Variants in TENM2 observed in about 807,000 individuals in gnomAD.
TENM2 encodes teneurin-2.
TENM2 carries 52 observed loss-of-function variants against 245.2 expected under a neutral mutation model. That is an observed-to-expected ratio of 0.21 (90% CI 0.17 to 0.27). TENM2 has a LOEUF of 0.27. TENM2 is among the 10% of genes least tolerant of loss of function. The pLI, the probability that TENM2 is intolerant of heterozygous loss-of-function variation, is 1.00. For missense variants in TENM2, 3,046 were observed against 3,666.8 expected, an observed-to-expected ratio of 0.83 and a Z score of 4.37; for synonymous variants, 1,363 against 1,438.9, an observed-to-expected ratio of 0.95 and a Z score of 1.19.
At chr5:167,208,733 C>G in the TENM2 span, among the ~76,000 whole-genome samples, 189 of 152,256 alleles carry the variant, frequency 1.2e-3, 1 homozygote, top group Admixed American at 6.0e-3. Flanking sequence ...TGATGGAGAT[C>G]TTTTTGTTTT....
At chr5:168,151,290 C>T (rs913052039) in intron 12 of TENM2, among the ~76,000 whole-genome samples, 1 of 152,192 alleles carries the variant, frequency 6.6e-6, no homozygotes, top group African/African-American at 2.4e-5. Context: ...TCATTTACGT[C>T]TTTGGAGGGC....
chr5:168,115,386 A>C, intron 9 of TENM2, among the ~76,000 whole-genome samples: 1 of 112,136 alleles, frequency 8.9e-6, no homozygotes, highest in Non-Finnish European at 1.9e-5. Flanking sequence ...GGAAGGAAGG[A>C]AGGAAGGAAG....
chr5:167,381,314 A>G (rs1426654985), intron 2 of TENM2, among the ~76,000 whole-genome samples: 1 of 152,146 alleles, frequency 6.6e-6, no homozygotes, highest in Admixed American at 6.5e-5. Context: ...ACCTTCTAGA[A>G]AATTATTCTT....
At chr5:168,132,502 C>T (rs147545325) in intron 12 of TENM2, among the ~76,000 whole-genome samples, 4 of 152,282 alleles carry the variant, frequency 2.6e-5, no homozygotes, top group East Asian at 1.9e-4. Flanking sequence ...TGATTTGTGT[C>T]GTACTCTGCG....
intron 23 of TENM2, among the ~76,000 whole-genome samples, chr5:168,220,076 C>T (rs1016483779): frequency 2.0e-5 from 3 of 152,144 alleles, no homozygotes; most frequent in African/African-American, 7.2e-5. Context: ...ATTTCTGAAG[C>T]ATCTTAATAC....
chr5:167,670,637 T>C (rs913907962), intron 2 of TENM2, among the ~76,000 whole-genome samples: 5 of 152,164 alleles, frequency 3.3e-5, no homozygotes, highest in Admixed American at 2.0e-4. Flanking sequence ...ACTGAGAGTC[T>C]TCATTACCTC....
chr5:167,921,517 G>T (rs143221477), intron 3 of TENM2, among the ~76,000 whole-genome samples: 48 of 152,242 alleles, frequency 3.2e-4, no homozygotes, highest in Middle Eastern at 6.8e-3. Context: ...TCAAAGTGTG[G>T]TCTATGGACC....
intron 2 of TENM2, among the ~76,000 whole-genome samples, chr5:167,855,403 T>A (rs1260283210): frequency 6.6e-6 from 1 of 152,192 alleles, no homozygotes; most frequent in East Asian, 1.9e-4. Flanking sequence ...ACATATGTTG[T>A]GTTTACATAT....
the TENM2 span, among the ~76,000 whole-genome samples, chr5:167,258,915 A>G: frequency 2.9e-3 from 438 of 152,286 alleles, 1 homozygote; most frequent in Non-Finnish European, 4.1e-3. Flanking sequence ...AGAGCATGCC[A>G]AGAATAGATA....
the TENM2 span, among the ~76,000 whole-genome samples, chr5:167,140,683 C>T: frequency 6.6e-6 from 1 of 152,218 alleles, no homozygotes; most frequent in East Asian, 1.9e-4. Flanking sequence ...GCGCAATACA[C>T]TTGGTGGCAG....
At chr5:167,780,487 T>C (rs1561773819) in intron 2 of TENM2, among the ~76,000 whole-genome samples, 1 of 152,212 alleles carries the variant, frequency 6.6e-6, no homozygotes, top group African/African-American at 2.4e-5. Flanking sequence ...GTGTACTTTT[T>C]GTTGGTGATT....
intron 8 of TENM2, among the ~76,000 whole-genome samples, chr5:168,094,710 C>T (rs1216780075): frequency 1.3e-5 from 2 of 151,762 alleles, no homozygotes; most frequent in Non-Finnish European, 2.9e-5. Context: ...GCATTAGATT[C>T]TCATAAGGAG....
intron 1 of TENM2, among the ~76,000 whole-genome samples, chr5:167,366,338 A>G (rs899099991): frequency 4.6e-5 from 7 of 152,162 alleles, no homozygotes; most frequent in African/African-American, 1.4e-4. Flanking sequence ...AACTCATGAC[A>G]AAATAGAAAA....
At chr5:167,332,226 C>A (rs1382743780) in intron 1 of TENM2, among the ~76,000 whole-genome samples, 1 of 152,118 alleles carries the variant, frequency 6.6e-6, no homozygotes, top group African/African-American at 2.4e-5. Context: ...CTCGGCAGTA[C>A]CGTTTGTCTT....
chr5:167,816,755 T>C (rs1005934811), intron 2 of TENM2, among the ~76,000 whole-genome samples: 2 of 152,150 alleles, frequency 1.3e-5, no homozygotes, highest in Non-Finnish European at 2.9e-5. Context: ...AGACCTGTGT[T>C]TTATAACAAG....
chr5:167,041,323 G>A, the TENM2 span, among the ~76,000 whole-genome samples: 2 of 152,212 alleles, frequency 1.3e-5, no homozygotes, highest in East Asian at 1.9e-4. Context: ...CGTAATTTAC[G>A]CAACCAGCAC....
At position 168,057,310 on chromosome 5, in the gene TENM2, A is replaced by AACACACAC. The variant is rs112117017; in HGVS notation, c.1310-4735_1310-4728dup. 3.3e-3 allele frequency among the ~76,000 whole-genome samples: 488 copies of AACACACAC among 149,012 alleles called. 1 individual carries two copies. Among genetic ancestry groups the AACACACAC allele is most frequent in the Middle Eastern group, 6.8e-3 (2 of 292 alleles). Reference sequence around the variant, plus strand: ...ACCCCCTACCCCTGTCGCCTCGCCCAACACACACACACACACACACACTCA... The same window carrying AACACACAC: ...ACCCCCTACCCCTGTCGCCTCGCCCAACACACACACACACACACACACACACACACTCA... On this transcript the variant is annotated intron_variant, in intron 6 of 28. Coordinates refer to ENST00000518659, the Ensembl canonical transcript of TENM2.
intron 2 of TENM2, among the ~76,000 whole-genome samples, chr5:167,468,189 G>A (rs1373682779): frequency 3.9e-5 from 6 of 152,064 alleles, no homozygotes; most frequent in Non-Finnish European, 1.5e-5. Context: ...CACCTTCCTC[G>A]ACCTCCCAGA....
rs368580498 is a variant in TENM2, at chr5:168,244,233, G to A, written c.5521-187G>A. 3.9e-5 allele frequency among the ~76,000 whole-genome samples: 6 copies of A among 152,084 alleles called. No individual in the cohort carries two copies. The highest frequency in any genetic ancestry group is 1.3e-4 in the Admixed American group (2 of 15,276). ...ATTACAGGCGTGAGCCACCACACCC[G>A]GCCAAATTTTGCCATTTTCTATCTG... is the stretch of plus-strand genomic sequence containing the variant. On this transcript the variant is annotated intron_variant, in intron 25 of 28. Coordinates refer to ENST00000518659, the Ensembl canonical transcript of TENM2. This position sits in a 1 kb window ranked among gnomAD's most constrained non-coding sequence, Gnocchi z 4.9.
Sources: allele counts gnomAD v4.1 joint callset (sites outside exome capture counted in the v4.1 genomes callset), GRCh38; gene constraint gnomAD v4.1.1; non-coding constraint Gnocchi (gnomAD v3.1); transcripts MANE v1.5; gene names NCBI Gene and HGNC (gene_info 2026-07-23, HGNC 2026-07-21).